Variants in KLHL4 observed in about 807,000 individuals in gnomAD.
KLHL4 encodes the protein kelch-like protein 4.
A neutral mutation model predicts 45.8 loss-of-function variants in KLHL4; 17 were observed. That is an observed-to-expected ratio of 0.37 (90% CI 0.25 to 0.56). KLHL4 has a LOEUF of 0.56. KLHL4 is among the 20% of genes least tolerant of loss of function. The probability of loss-of-function intolerance (pLI) is 0.79; values close to 1 mark genes in which losing one functional copy is unlikely to be tolerated. For missense variants in KLHL4, 544 were observed against 544.9 expected (o/e 1.00, Z 0.02); for synonymous variants, 224 against 189.9 (o/e 1.18, Z -1.47).
At chrX:87,559,811 C>T (rs1838986674) in intron 1 of KLHL4, among the ~76,000 whole-genome samples, 2 of 111,034 alleles carry the variant, frequency 1.8e-5, no homozygotes, top group South Asian at 7.5e-4. Context: ...TAAGATGGAA[C>T]ATAATAAGTG....
chrX:87,654,585 T>C (rs1190890643), intron 9 of KLHL4, among the ~76,000 whole-genome samples: 1 of 111,777 alleles, frequency 8.9e-6, no homozygotes, highest in African/African-American at 3.3e-5. Flanking sequence ...TTTGCTATTG[T>C]GAATAGTGCT....
chrX:87,518,017 G>A lies in KLHL4; in HGVS notation c.124G>A (p.Glu42Lys), dbSNP rs770067113. 4 of 1,211,512 alleles carry A rather than the reference G, an allele frequency of 3.3e-6. No homozygotes were observed. Among genetic ancestry groups the A allele is most frequent in the Non-Finnish European group, 3.4e-6 (3 of 895,506 alleles). ...TGSCLQQEGY[E>K]HRGTPVQGRL... ...AAGCTGTCTTCAGCAGGAAGGATAT[G>A]AGCATAGAGGGACCCCGGTTCAGGG... Residue 42 changes from glutamate to lysine, a missense_variant, in exon 1 of 11, where the codon GAG (glutamate) becomes AAG (lysine). By Grantham distance (56) the Glu-to-Lys change is moderately conservative. Transcript: ENST00000373119.
intron 1 of KLHL4, among the ~76,000 whole-genome samples, chrX:87,592,514 C>T (rs1921705826): frequency 8.9e-6 from 1 of 111,809 alleles, no homozygotes; most frequent in South Asian, 3.8e-4. Context: ...ACATCCTCAC[C>T]AGCACTGTTA....
intron 1 of KLHL4, among the ~76,000 whole-genome samples, chrX:87,540,747 C>T (rs1027209647): frequency 5.4e-5 from 6 of 111,335 alleles, no homozygotes; most frequent in African/African-American, 2.0e-4. Flanking sequence ...TAAACTCTAC[C>T]ATAATGATAC....
intron 1 of KLHL4, among the ~76,000 whole-genome samples, chrX:87,587,150 C>CAAAAAAAAAAAAAAAA (rs1197848253): frequency 2.7e-4 from 13 of 47,805 alleles, no homozygotes; most frequent in African/African-American, 4.1e-4. Context: ...TAAAATAAAG[C>CAAAAAAAAAAAAAAAA]AAAAAAAAAA....
chrX:87,609,592 C>T (rs1157656712), intron 1 of KLHL4, among the ~76,000 whole-genome samples: 1 of 111,825 alleles, frequency 8.9e-6, no homozygotes, highest in Non-Finnish European at 1.9e-5. Flanking sequence ...CCTTTGCCCA[C>T]TTGTTGATGG....
At chrX:87,568,391 C>CTTTTTTTTTTTTTTTTTTTTTTTTTTTT (rs58586775) in intron 1 of KLHL4, among the ~76,000 whole-genome samples, 5 of 57,504 alleles carry the variant, frequency 8.7e-5, no homozygotes, top group African/African-American at 1.5e-4. Context: ...TTCTTTTTTT[C>CTTTTTTTTTTTTTTTTTTTTTTTTTTTT]TTTTTTTTTT....
At chrX:87,550,756 A>G (rs1028595531) in intron 1 of KLHL4, among the ~76,000 whole-genome samples, 1 of 111,785 alleles carries the variant, frequency 8.9e-6, no homozygotes, top group Non-Finnish European at 1.9e-5. Context: ...AACAAAAATC[A>G]CATGATCATC....
At chrX:87,646,023 TA>T (rs1428448451) in intron 9 of KLHL4, among the ~76,000 whole-genome samples, 2 of 110,766 alleles carry the variant, frequency 1.8e-5, no homozygotes, top group Non-Finnish European at 3.8e-5. Flanking sequence ...TGTAACGAAA[TA>T]CCACTTGTAC....
At chrX:87,577,240 C>T (rs112225681) in intron 1 of KLHL4, among the ~76,000 whole-genome samples, 130 of 111,577 alleles carry the variant, frequency 1.2e-3, no homozygotes, top group African/African-American at 3.6e-3. Flanking sequence ...GCATACACGC[C>T]GGTGGCACTT....
chrX:87,610,950 C>T (rs928008139), intron 1 of KLHL4, among the ~76,000 whole-genome samples: 9 of 110,156 alleles, frequency 8.2e-5, no homozygotes, highest in South Asian at 3.9e-4. Flanking sequence ...GGTGCACGTC[C>T]GCAGTCCCAG....
chrX:87,529,581 T>C (rs1931200480), intron 1 of KLHL4, among the ~76,000 whole-genome samples: 1 of 111,538 alleles, frequency 9.0e-6, no homozygotes, highest in Admixed American at 9.6e-5. Context: ...CTTGATCTTT[T>C]ATTATTAAAT....
chrX:87,541,695 A>G (rs1377083173), intron 1 of KLHL4, among the ~76,000 whole-genome samples: 2 of 110,641 alleles, frequency 1.8e-5, no homozygotes, highest in Non-Finnish European at 3.8e-5. Flanking sequence ...GTATGTTTAT[A>G]GCAGTGTTAG....
At chrX:87,596,444 C>T (rs902913740) in intron 1 of KLHL4, among the ~76,000 whole-genome samples, 2 of 111,660 alleles carry the variant, frequency 1.8e-5, no homozygotes, top group Admixed American at 1.9e-4. Context: ...GTGTGTATTC[C>T]TTGTGTATTC....
chrX:87,667,670 T>C lies in KLHL4; in HGVS notation c.*1136T>C. Reference sequence around the variant, plus strand: ...TAGTATTTTATGTGTAATTCTTCCATTTATTCTGTTTAATTATACAACTAA... The same window carrying C: ...TAGTATTTTATGTGTAATTCTTCCACTTATTCTGTTTAATTATACAACTAA... On this transcript the variant is annotated 3_prime_UTR_variant, in exon 11 of 11. Transcript: ENST00000373119. 1.7e-6 allele frequency: 1 copy of C among 604,593 alleles called. No individual in the cohort carries two copies. Among genetic ancestry groups the C allele is most frequent in the Non-Finnish European group, 2.0e-6 (1 of 503,151 alleles). The allele number at this position is 604,593 out of a possible 1,213,427, so 49.8% of individuals were successfully genotyped here.
Position 87,614,069 on chromosome X carries a change from T to C in KLHL4, c.590+25T>C, listed in dbSNP as rs189818604. 88 of 1,100,898 alleles carry C rather than the reference T, an allele frequency of 8.0e-5. No homozygotes were observed. The African/African-American group carries it at 1.3e-3, about 17-fold the overall frequency. 90.7% of individuals were successfully genotyped at this position (1,100,898 alleles called of 1,213,427 possible). A position where few individuals can be genotyped will look rare whatever the true frequency, so the allele number is the denominator to read the frequency against. Reference sequence around the variant, plus strand: ...GGTAAGTATTTTTATGTATACAGAATGGTTTTGAGTAGGGCAATTATAAAT... The same window carrying C: ...GGTAAGTATTTTTATGTATACAGAACGGTTTTGAGTAGGGCAATTATAAAT... On this transcript the variant is annotated intron_variant, in intron 2 of 10. Coordinates refer to ENST00000373119, the MANE Select transcript of KLHL4 (RefSeq NM_019117.5).
chrX:87,544,339 G>A (rs913561153), intron 1 of KLHL4, among the ~76,000 whole-genome samples: 2 of 111,464 alleles, frequency 1.8e-5, no homozygotes, highest in Non-Finnish European at 3.8e-5. Flanking sequence ...AAAGAGTTTC[G>A]ACAGTAGTCC....
intron 1 of KLHL4, among the ~76,000 whole-genome samples, chrX:87,559,593 G>C (rs1932051675): frequency 9.0e-6 from 1 of 111,551 alleles, no homozygotes; most frequent in South Asian, 3.7e-4. Flanking sequence ...GTGTATTGCT[G>C]CAAATTCTTC....
intron 1 of KLHL4, among the ~76,000 whole-genome samples, chrX:87,543,568 C>A (rs926274982): frequency 3.6e-5 from 4 of 110,785 alleles, no homozygotes; most frequent in Non-Finnish European, 7.6e-5. Flanking sequence ...GAGAACACGG[C>A]AATTATAAGG....
Sources: gnomAD v4.1 joint callset for allele counts (sites outside exome capture counted in the v4.1 genomes callset) on GRCh38, gnomAD v4.1.1 for gene constraint, MANE v1.5 for transcripts, NCBI Gene and HGNC (gene_info 2026-07-23, HGNC 2026-07-21) for gene names.